Variants in GNAO1 observed in about 807,000 individuals in gnomAD.
GNAO1 encodes G protein subunit alpha o1, also known as guanine nucleotide-binding protein G(o) subunit alpha.
For synonymous variants in GNAO1, 164 were observed against 180.7 expected (o/e 0.91, Z 0.74); for missense variants, 166 against 478.7 (o/e 0.35, Z 6.10).
chr16:56,336,351 G>C (rs1161598543), intron 5 of GNAO1: 2 of 180,102 alleles, frequency 1.1e-5, no homozygotes, highest in Middle Eastern at 2.3e-3. Context: ...GGCTGGTTTG[G>C]AGTTTGCCCA....
chr16:56,259,729 A>G (rs1402744616), intron 2 of GNAO1, among the ~76,000 whole-genome samples: 1 of 152,258 alleles, frequency 6.6e-6, no homozygotes, highest in Non-Finnish European at 1.5e-5. Context: ...GGATTAAGCT[A>G]GAAAACTGGA....
intron 2 of GNAO1, chr16:56,193,564 G>C (rs2143277137): frequency 6.4e-6 from 1 of 156,552 alleles, no homozygotes; most frequent in South Asian, 1.9e-4. Context: ...TAATTAACTG[G>C]GGGTGGATTT....
At position 56,356,966 on chromosome 16, in the gene GNAO1, GT is replaced by G. The variant is rs1362985702; in HGVS notation, c.*895del. 6.7e-6 allele frequency: 1 copy of G among 149,466 alleles called. No homozygotes were observed. The highest frequency in any genetic ancestry group is 1.5e-5 in the Non-Finnish European group (1 of 67,556). 9.3% of individuals were successfully genotyped at this position (149,466 alleles called of 1,614,324 possible). On this transcript the variant is annotated 3_prime_UTR_variant, in exon 9 of 9. Coordinates refer to ENST00000262493, the MANE Select transcript of GNAO1 (RefSeq NM_020988.3). ...TGCGCCCCTCCCCACCCCTGCCTTT[GT>G]TTCGGTGCCCTGTGTCCGCTCTCTC...
At chr16:56,286,692 C>T (rs1283457006) in intron 3 of GNAO1, among the ~76,000 whole-genome samples, 7 of 129,336 alleles carry the variant, frequency 5.4e-5, no homozygotes, top group African/African-American at 2.1e-4. Flanking sequence ...GTCTCTGTCG[C>T]CTCTGTGTGT....
intron 2 of GNAO1, among the ~76,000 whole-genome samples, chr16:56,264,434 GA>G (rs1417644735): frequency 6.6e-6 from 1 of 152,242 alleles, no homozygotes; most frequent in Non-Finnish European, 1.5e-5. Flanking sequence ...TTGTTTTTCA[GA>G]TAATGACAGC....
intron 2 of GNAO1, among the ~76,000 whole-genome samples, chr16:56,265,011 T>A (rs567271982): frequency 6.6e-6 from 1 of 152,322 alleles, no homozygotes; most frequent in East Asian, 1.9e-4. Context: ...TTATTCATCC[T>A]CACTTTGTAA....
chr16:56,341,283 C>A (rs185373207), intron 6 of GNAO1, among the ~76,000 whole-genome samples: 4 of 152,190 alleles, frequency 2.6e-5, no homozygotes, highest in Admixed American at 2.0e-4. Flanking sequence ...TGTGACGAGA[C>A]GAGCAAACGC....
intron 2 of GNAO1, among the ~76,000 whole-genome samples, chr16:56,223,670 G>A (rs1322038296): frequency 1.3e-5 from 2 of 152,154 alleles, no homozygotes; most frequent in Non-Finnish European, 2.9e-5. Flanking sequence ...CCACCTTTGG[G>A]TTATGAGGAT....
rs2037951809 is a variant in GNAO1, at chr16:56,354,592, C to A, written c.878-274C>A. 1.3e-5 allele frequency among the ~76,000 whole-genome samples: 2 copies of A among 152,206 alleles called. No homozygotes were observed. The highest frequency in any genetic ancestry group is 4.8e-5 in the African/African-American group (2 of 41,448). On this transcript the variant is annotated intron_variant, in intron 7 of 8. Transcript: ENST00000262493. The surrounding 1 kb of genome is among the most constrained non-coding windows in gnomAD (Gnocchi z 4.3). Reference sequence around the variant, plus strand: ...TCAGGAGGCTGAGGCAGGAGAATCGCTTGAACCTGGGAGGCAGAGGTTGCA... The same window carrying A: ...TCAGGAGGCTGAGGCAGGAGAATCGATTGAACCTGGGAGGCAGAGGTTGCA...
At chr16:56,235,148 A>G in intron 2 of GNAO1, 1 of 364,458 alleles carries the variant, frequency 2.7e-6, no homozygotes, top group Admixed American at 3.6e-5. Flanking sequence ...GCAGCATGGC[A>G]TATAAAGCTC....
chr16:56,292,261 T>G (rs1365561320), intron 3 of GNAO1, among the ~76,000 whole-genome samples: 1 of 152,212 alleles, frequency 6.6e-6, no homozygotes, highest in Non-Finnish European at 1.5e-5. Flanking sequence ...GCCCACGTGC[T>G]GGATGCCTCG....
Position 56,271,273 on chromosome 16 carries a change from C to T in GNAO1, c.162-4658C>T, listed in dbSNP as rs1360451759. Among the ~76,000 whole-genome samples the T allele has an allele frequency of 2.0e-5, 3 of 152,188 alleles. No homozygotes were observed. The East Asian group carries it at 5.8e-4, about 29-fold the overall frequency. On this transcript the variant is annotated intron_variant, in intron 2 of 8. Transcript: ENST00000262493. Reference sequence around the variant, plus strand: ...TAACCTATCTGAGCCTCAGTTTCCTCATCTGTAAAGAGGAGATAATTTATC... The same window carrying T: ...TAACCTATCTGAGCCTCAGTTTCCTTATCTGTAAAGAGGAGATAATTTATC...
At chr16:56,347,596 A>C (rs1296253197) in intron 6 of GNAO1, 13 of 984,644 alleles carry the variant, frequency 1.3e-5, no homozygotes, top group Non-Finnish European at 1.6e-5. Flanking sequence ...CCCCAGTCCA[A>C]ACTCCTGGAT....
intron 3 of GNAO1, among the ~76,000 whole-genome samples, chr16:56,291,230 A>G (rs2037229438): frequency 6.6e-6 from 1 of 152,028 alleles, no homozygotes. Flanking sequence ...TTACATTCCC[A>G]TTTTCCGCAT....
chr16:56,308,600 G>T (rs1375515243), intron 3 of GNAO1, among the ~76,000 whole-genome samples: 1 of 152,190 alleles, frequency 6.6e-6, no homozygotes, highest in Non-Finnish European at 1.5e-5. Flanking sequence ...ATCTGGCTCA[G>T]GGAGAAGGTG....
At chr16:56,283,976 G>T (rs1268812508) in intron 3 of GNAO1, among the ~76,000 whole-genome samples, 1 of 152,152 alleles carries the variant, frequency 6.6e-6, no homozygotes, top group African/African-American at 2.4e-5. Flanking sequence ...GGCAGATCCA[G>T]GACTAGAGCA....
intron 3 of GNAO1, chr16:56,276,526 G>A (rs527793478): frequency 2.6e-5 from 4 of 155,012 alleles, no homozygotes; most frequent in Admixed American, 1.9e-4. Flanking sequence ...TTTACACCAA[G>A]GGCTATGTTT....
rs2037923325 is a variant in GNAO1, at chr16:56,351,729, C to CGTG, written c.877+197_877+199dup. On this transcript the variant is annotated intron_variant, in intron 7 of 8. Transcript: ENST00000262493. This position sits in a 1 kb window ranked among gnomAD's most constrained non-coding sequence, Gnocchi z 6.1. ...GGGCTTCCCAGGACACAGCCCTCAG[C>CGTG]GTGGTGGAAATGGCCCCTCCTAAGA... 6.6e-6 allele frequency among the ~76,000 whole-genome samples: 1 copy of CGTG among 152,178 alleles called. No homozygotes were observed. Among genetic ancestry groups the CGTG allele is most frequent in the African/African-American group, 2.4e-5 (1 of 41,444 alleles).
intron 2 of GNAO1, among the ~76,000 whole-genome samples, chr16:56,269,312 T>C (rs2036991281): frequency 6.6e-6 from 1 of 152,016 alleles, no homozygotes; most frequent in Non-Finnish European, 1.5e-5. Context: ...CTCCTCCTCC[T>C]CCTCCTCCTG....
Sources: gnomAD v4.1 joint callset for allele counts (sites outside exome capture counted in the v4.1 genomes callset) on GRCh38, gnomAD v4.1.1 for gene constraint, Gnocchi (gnomAD v3.1) non-coding constraint, MANE v1.5 for transcripts, NCBI Gene and HGNC (gene_info 2026-07-23, HGNC 2026-07-21) for gene names.